Variants in PTPRR observed in about 807,000 individuals in gnomAD.
PTPRR encodes protein tyrosine phosphatase receptor type R.
In PTPRR, 38 loss-of-function variants were observed where a neutral mutation model predicts 77.2. The ratio of observed to expected loss-of-function variants is 0.49; its 90% CI spans 0.38 to 0.65. The LOEUF (loss-of-function observed/expected upper bound fraction) is 0.65. Among genes scored for constraint, PTPRR ranks in the 30% least tolerant of loss-of-function variants. The pLI is 0.00. For missense variants in PTPRR, 744 were observed against 799.2 expected (o/e 0.93, Z 0.83); for synonymous variants, 299 against 283.1 (o/e 1.06, Z -0.57).
intron 2 of PTPRR, among the ~76,000 whole-genome samples, chr12:70,771,555 A>AT (rs1307222405): frequency 1.3e-5 from 2 of 152,316 alleles, no homozygotes; most frequent in South Asian, 2.1e-4. Flanking sequence ...ATAAAAGTTG[A>AT]TTTTTTAAAA....
intron 6 of PTPRR, among the ~76,000 whole-genome samples, chr12:70,733,035 C>A (rs572919498): frequency 6.6e-6 from 1 of 151,660 alleles, no homozygotes; most frequent in Non-Finnish European, 1.5e-5. Context: ...AGAGGGAAAA[C>A]GCAGGAAATG....
At chr12:70,719,091 C>T (rs1416806189) in intron 6 of PTPRR, among the ~76,000 whole-genome samples, 1 of 152,110 alleles carries the variant, frequency 6.6e-6, no homozygotes, top group Non-Finnish European at 1.5e-5. Flanking sequence ...TAACAAATTC[C>T]CAAAGTTCTT....
intron 6 of PTPRR, among the ~76,000 whole-genome samples, chr12:70,743,855 G>A (rs1284078887): frequency 1.3e-5 from 2 of 152,112 alleles, no homozygotes; most frequent in African/African-American, 4.8e-5. Flanking sequence ...TCCAGCAGTG[G>A]TCTACAGAGG....
At chr12:70,887,781 AGACACAGG>A (rs1031759991) in intron 2 of PTPRR, among the ~76,000 whole-genome samples, 2 of 152,018 alleles carry the variant, frequency 1.3e-5, no homozygotes, top group Non-Finnish European at 2.9e-5. Flanking sequence ...ATGGACTCAG[AGACACAGG>A]GATAGGCCAG....
intron 13 of PTPRR, 171 bp from the exon 14 acceptor site, chr12:70,639,448 T>A: frequency 7.2e-7 from 1 of 1,389,972 alleles, no homozygotes; most frequent in Non-Finnish European, 9.4e-7. Flanking sequence ...ACTATCAAAG[T>A]TAACATGGTA....
chr12:70,837,477 G>A (rs1050107436), intron 2 of PTPRR, among the ~76,000 whole-genome samples: 1 of 152,110 alleles, frequency 6.6e-6, no homozygotes, highest in Admixed American at 6.6e-5. Flanking sequence ...CACAAGATAT[G>A]TGGGGGTTGT....
chr12:70,767,896 ACCTGCT>A (rs1273131439), intron 2 of PTPRR, among the ~76,000 whole-genome samples: 1 of 152,210 alleles, frequency 6.6e-6, no homozygotes, highest in Non-Finnish European at 1.5e-5. Flanking sequence ...AAAATGAACA[ACCTGCT>A]CCTGAATGAC....
intron 2 of PTPRR, among the ~76,000 whole-genome samples, chr12:70,869,151 T>G (rs1290250176): frequency 6.6e-6 from 1 of 151,770 alleles, no homozygotes; most frequent in Admixed American, 6.6e-5. Context: ...AACCTGCACA[T>G]TGTGCACTTG....
intron 1 of PTPRR, among the ~76,000 whole-genome samples, chr12:70,905,540 T>C (rs1893608470): frequency 6.6e-6 from 1 of 151,982 alleles, no homozygotes; most frequent in Admixed American, 6.6e-5. Context: ...CAGTGAGATT[T>C]GATGGTCATA....
At chr12:70,877,626 A>T (rs956218254) in intron 2 of PTPRR, among the ~76,000 whole-genome samples, 6 of 152,346 alleles carry the variant, frequency 3.9e-5, no homozygotes, top group Middle Eastern at 3.4e-3. Context: ...AGAACATTCC[A>T]TGCTCACGGG....
chr12:70,639,505 T>G, intron 13 of PTPRR: 1 of 1,264,750 alleles, frequency 7.9e-7, no homozygotes, highest in Non-Finnish European at 1.0e-6. Context: ...ACTAGGCACG[T>G]GATTAATTTT....
intron 2 of PTPRR, among the ~76,000 whole-genome samples, chr12:70,798,358 T>C (rs997519058): frequency 2.0e-5 from 3 of 152,194 alleles, no homozygotes; most frequent in Admixed American, 1.3e-4. Flanking sequence ...GCTTCCATTC[T>C]TGTCCCTTTC....
chr12:70,665,169 A>T (rs771553121), intron 10 of PTPRR, among the ~76,000 whole-genome samples: 5 of 152,118 alleles, frequency 3.3e-5, no homozygotes, highest in Non-Finnish European at 7.4e-5. Context: ...AGCTAGGCTT[A>T]TCCTTTCAGT....
intron 9 of PTPRR, 146 bp from the exon 10 acceptor site, chr12:70,684,410 C>T: frequency 1.1e-6 from 1 of 886,406 alleles, no homozygotes. Context: ...CAACAATTTC[C>T]ATGGGTATTT....
At chr12:70,804,169 G>GTGTGTGTA (rs1240281942) in intron 2 of PTPRR, among the ~76,000 whole-genome samples, 1 of 151,696 alleles carries the variant, frequency 6.6e-6, no homozygotes, top group Non-Finnish European at 1.5e-5. Context: ...GTGTGTGTGT[G>GTGTGTGTA]TGTGTGTGTT....
chr12:70,647,246 G>A (rs988727283), intron 13 of PTPRR, among the ~76,000 whole-genome samples: 5 of 152,180 alleles, frequency 3.3e-5, no homozygotes, highest in Non-Finnish European at 7.4e-5. Flanking sequence ...CCCAGGTTCT[G>A]TTTTAAAATT....
chr12:70,704,279 G>A (rs1239555505), intron 6 of PTPRR, among the ~76,000 whole-genome samples: 1 of 151,810 alleles, frequency 6.6e-6, no homozygotes, highest in Non-Finnish European at 1.5e-5. Flanking sequence ...ATAGCTAAGT[G>A]TTGTGGTGCT....
intron 2 of PTPRR, among the ~76,000 whole-genome samples, chr12:70,859,126 T>C (rs1353006603): frequency 6.6e-6 from 1 of 152,078 alleles, no homozygotes; most frequent in Non-Finnish European, 1.5e-5. Flanking sequence ...TTTAACTCTA[T>C]ATTAGCCTTC....
At chr12:70,893,013 C>T (rs894650240) in intron 1 of PTPRR, 36 bp from the exon 2 acceptor site, 1 of 1,592,140 alleles carries the variant, frequency 6.3e-7, no homozygotes, top group South Asian at 1.1e-5. Context: ...ATATCAAAGA[C>T]CCTATTCAGT....
Sources: gnomAD v4.1 joint callset for allele counts (sites outside exome capture counted in the v4.1 genomes callset) on GRCh38, gnomAD v4.1.1 for gene constraint, MANE v1.5 for transcripts, NCBI Gene and HGNC (gene_info 2026-07-23, HGNC 2026-07-21) for gene names.